Variants in MSH5 observed in about 807,000 individuals in gnomAD.
MSH5 encodes the protein mutS protein homolog 5.
Under a neutral mutation model 107.7 loss-of-function variants are expected in MSH5, and 78 were observed. The ratio of observed to expected loss-of-function variants is 0.72; its 90% CI spans 0.60 to 0.87. The LOEUF (loss-of-function observed/expected upper bound fraction) is 0.87, where lower values mean the gene tolerates loss of function less well. Ranked by LOEUF, MSH5 falls within the 40% of genes least tolerant of loss-of-function variation. MSH5 has a pLI of 0.00. For synonymous variants in MSH5, 326 were observed against 399.5 expected (o/e 0.82, Z 2.19); for missense variants, 889 against 1,046.6 (o/e 0.85, Z 2.08).
rs1436407738 is a variant in MSH5 at position 31,760,216 on chromosome 6, G to A, written c.1812G>A (p.Gln604=). 2 of 1,588,232 alleles carry A rather than the reference G, an allele frequency of 1.3e-6. No individual in the cohort carries two copies. The highest frequency in any genetic ancestry group is 1.7e-6 in the Non-Finnish European group (2 of 1,169,458). The change falls in exon 19 of 25, where the codon CAG becomes CAA. Residue 604 remains glutamine, a splice_region_variant and synonymous_variant. Coordinates refer to ENST00000375750, the MANE Select transcript of MSH5 (RefSeq NM_172166.4). The surrounding 1 kb of genome is among the most constrained non-coding windows in gnomAD (Gnocchi z 5.6). ...CAGGGAAGAGCATATACCTCAAACA[G>A]GTGAGGAGAAGCCCTGCAGCCTGGG... ...NSSGKSIYLK[Q]VGLITFMALV...
intron 8 of MSH5, 146 bp from the exon 9 acceptor site, chr6:31,745,091 G>T: frequency 1.7e-6 from 1 of 597,246 alleles, no homozygotes; most frequent in Non-Finnish European, 2.9e-6. Flanking sequence ...GCGACAGAGC[G>T]AGACTCCATC....
rs1177298196 is a variant in MSH5, at chr6:31,740,224, A to G, written c.-14+162A>G. ...TCAGACCCCTTCCTTCCAAAGGGTAACCTCCGCGTGACAGGAATGAGGGTG... is the reference window on the plus strand; with the variant it reads ...TCAGACCCCTTCCTTCCAAAGGGTAGCCTCCGCGTGACAGGAATGAGGGTG... On this transcript the variant is annotated intron_variant, in intron 1 of 24. Coordinates refer to ENST00000375750, the MANE Select transcript of MSH5 (RefSeq NM_172166.4). The surrounding 1 kb of genome is among the most constrained non-coding windows in gnomAD (Gnocchi z 4.4). 1.3e-5 allele frequency: 6 copies of G among 451,556 alleles called. No individual in the cohort carries two copies. In the East Asian group the frequency reaches 2.2e-4, roughly 17 times the overall value. 28.0% of individuals were successfully genotyped at this position (451,556 alleles called of 1,614,324 possible).
intron 3 of MSH5, among the ~76,000 whole-genome samples, chr6:31,742,164 A>G (rs753310039): frequency 3.3e-5 from 5 of 152,208 alleles, no homozygotes; most frequent in Non-Finnish European, 7.3e-5. Flanking sequence ...CTGACTCAAT[A>G]TATTTTACAG....
chr6:31,760,738 G>C lies in MSH5; in HGVS notation c.1861G>C (p.Glu621Gln). Reference protein sequence around the residue: ...MALVGSFVPAEEAEIGAVDAI... With the variant: ...MALVGSFVPAQEAEIGAVDAI... ...CCTGGTAGGCAGCTTTGTGCCAGCA[G>C]AGGAGGCCGAAATTGGGGCAGTAGA... Residue 621 changes from glutamate to glutamine, a missense_variant, in exon 20 of 25, where the codon GAG becomes CAG. Glu to Gln is a conservative substitution (Grantham distance 29). Around this residue, in one of 3 missense-constraint regions of MSH5, gnomAD observed 362 missense variants for 456.2 expected, o/e 0.79. Coordinates refer to ENST00000375750, the MANE Select transcript of MSH5 (RefSeq NM_172166.4). The surrounding 1 kb of genome is among the most constrained non-coding windows in gnomAD (Gnocchi z 5.6). 1 of 1,613,062 alleles carries C rather than the reference G, an allele frequency of 6.2e-7. No individual in the cohort carries two copies. The highest frequency in any genetic ancestry group is 8.5e-7 in the Non-Finnish European group (1 of 1,180,048).
Position 31,761,683 on chromosome 6 carries a change from C to T in MSH5, c.2181+68C>T. On this transcript the variant is annotated intron_variant, in intron 22 of 24. Coordinates refer to ENST00000375750, the MANE Select transcript of MSH5 (RefSeq NM_172166.4). The surrounding 1 kb of genome is among the most constrained non-coding windows in gnomAD (Gnocchi z 5.3). ...CATTTCCCAGAGGTGGGGATTGGCT[C>T]CTCTATCAGAACAAGGGCTCCCTCA... The T allele has an allele frequency of 6.2e-7, 1 of 1,612,986 alleles. No individual in the cohort carries two copies. Among genetic ancestry groups the T allele is most frequent in the Non-Finnish European group, 8.5e-7 (1 of 1,179,614 alleles).
At position 31,745,292 on chromosome 6, in the gene MSH5, G is replaced by A; in HGVS notation, c.739G>A (p.Gly247Arg). Residue 247 changes from glycine to arginine, a missense_variant, in exon 9 of 25, where the codon GGA (glycine) becomes AGA (arginine). By Grantham distance (125) the Gly-to-Arg change is moderately radical. This residue lies in a region of MSH5 where 518 missense variants were observed against 565.0 expected (regional missense o/e 0.92). Transcript: ENST00000375750. ...CCCCTCAGTGTACAAAGTGGCCAGT[G>A]GACTGAAGGAGGGGCTCAGCCTCTT... ...SHPSVYKVAS[G>R]LKEGLSLFGI... 1.2e-6 allele frequency: 2 copies of A among 1,613,278 alleles called. No individual in the cohort carries two copies. Among genetic ancestry groups the A allele is most frequent in the Non-Finnish European group, 1.7e-6 (2 of 1,179,358 alleles).
chr6:31,760,093 T>C lies in MSH5; in HGVS notation c.1689T>C (p.His563=), dbSNP rs558286767. The C allele has an allele frequency of 6.2e-7, 1 of 1,601,648 alleles. No individual in the cohort carries two copies. The highest frequency in any genetic ancestry group is 1.1e-5 in the South Asian group (1 of 88,922). The change falls in exon 19 of 25, where the codon CAT becomes CAC. Residue 563 remains histidine, a synonymous_variant. Coordinates refer to ENST00000375750, the MANE Select transcript of MSH5 (RefSeq NM_172166.4). This position sits in a 1 kb window ranked among gnomAD's most constrained non-coding sequence, Gnocchi z 5.6. The part of the protein sequence containing the change: ...VLGVRIQNGR[H]PLMELCARTF... Reference sequence around the variant, plus strand: ...GGTGCCTCTCCGCCCACTGCAGACATCCTCTGATGGAACTCTGTGCCCGAA... The same window carrying C: ...GGTGCCTCTCCGCCCACTGCAGACACCCTCTGATGGAACTCTGTGCCCGAA...
chr6:31,743,354 C>T (rs2151335696), intron 5 of MSH5, 184 bp downstream of exon 5: 1 of 647,306 alleles, frequency 1.5e-6, no homozygotes, highest in Non-Finnish European at 2.7e-6. Context: ...TAACCTGCAG[C>T]TTATTGGGAA....
Position 31,744,034 on chromosome 6 carries a change from G to T in MSH5, c.537+9G>T. 1 of 1,614,028 alleles carries T rather than the reference G, an allele frequency of 6.2e-7. No individual in the cohort carries two copies. The highest frequency in any genetic ancestry group is 8.5e-7 in the Non-Finnish European group (1 of 1,179,958). On this transcript the variant is annotated intron_variant, in intron 6 of 24. Transcript: ENST00000375750. ...TTGACTGCCTCCTCACAGTGAGATT[G>T]GTCCTGGGGGATAAGGGCTGGGAGG...
chr6:31,761,107 G>C lies in MSH5; in HGVS notation c.1963-81G>C. 1 of 1,389,176 alleles carries C rather than the reference G, an allele frequency of 7.2e-7. No individual in the cohort carries two copies. Among genetic ancestry groups the C allele is most frequent in the Non-Finnish European group, 1.0e-6 (1 of 995,402 alleles). The allele number at this position is 1,389,176 out of a possible 1,614,324, so 86.1% of individuals were successfully genotyped here. On this transcript the variant is annotated intron_variant, in intron 20 of 24. Coordinates refer to ENST00000375750, the MANE Select transcript of MSH5 (RefSeq NM_172166.4). This position sits in a 1 kb window ranked among gnomAD's most constrained non-coding sequence, Gnocchi z 5.3. Reference sequence around the variant, plus strand: ...GTGCAGTAGGGAGGGCATGTATACAGCTTTATTCACAGGCCAACTGTGGTC... The same window carrying C: ...GTGCAGTAGGGAGGGCATGTATACACCTTTATTCACAGGCCAACTGTGGTC...
At chr6:31,742,783 A>G in intron 3 of MSH5, 94 bp from the exon 4 acceptor site, 2 of 1,190,034 alleles carry the variant, frequency 1.7e-6, no homozygotes, top group Non-Finnish European at 2.5e-6. Flanking sequence ...AATGTTTTTG[A>G]GAAGGAGAGG....
In MSH5 at chr6:31,743,175, C is replaced by T. The variant is rs768347331; in HGVS notation, c.415+5C>T. On this transcript the variant is annotated splice_donor_5th_base_variant and intron_variant, in intron 5 of 24. Coordinates refer to ENST00000375750, the MANE Select transcript of MSH5 (RefSeq NM_172166.4). ...TTTTGCCAAGTGTGGATTTTGGTAT[C>T]TCCTTCCTTTTGCTTTGCCTAACTC... 6.2e-7 allele frequency: 1 copy of T among 1,612,676 alleles called. No homozygotes were observed. Among genetic ancestry groups the T allele is most frequent in the East Asian group, 2.2e-5 (1 of 44,872 alleles).
chr6:31,740,748 C>T lies in MSH5; in HGVS notation c.147+135C>T. The T allele has an allele frequency of 9.6e-7, 1 of 1,039,474 alleles. No individual in the cohort carries two copies. Among genetic ancestry groups the T allele is most frequent in the Non-Finnish European group, 1.3e-6 (1 of 765,456 alleles). 64.4% of individuals were successfully genotyped at this position (1,039,474 alleles called of 1,614,324 possible). A position where few individuals can be genotyped will look rare whatever the true frequency, so the allele number is the denominator to read the frequency against. ...GACTGAGGCGGGCGGATCACCTGAG[C>T]TCAGGAGTTGGAGACCAGCCTGGGC... On this transcript the variant is annotated intron_variant, in intron 2 of 24. Coordinates refer to ENST00000375750, the MANE Select transcript of MSH5 (RefSeq NM_172166.4). The surrounding 1 kb of genome is among the most constrained non-coding windows in gnomAD (Gnocchi z 4.4).
chr6:31,742,845 T>C, intron 3 of MSH5, 32 bp from the exon 4 acceptor site: 2 of 1,603,676 alleles, frequency 1.2e-6, no homozygotes, highest in Non-Finnish European at 1.7e-6. Flanking sequence ...CAAAGATCCT[T>C]TAACTCATTT....
At chr6:31,756,520 A>AT (rs1477597907) in intron 12 of MSH5, 1 of 152,178 alleles carries the variant, frequency 6.6e-6, no homozygotes, top group Non-Finnish European at 1.5e-5. Flanking sequence ...TAAATCTCTG[A>AT]TTCTTTCTTC....
chr6:31,746,419 G>A (rs1389027127), intron 9 of MSH5: 1 of 151,248 alleles, frequency 6.6e-6, no homozygotes, highest in African/African-American at 2.4e-5. Flanking sequence ...ACATATGTGT[G>A]TTGGGCTCTT....
Position 31,740,176 on chromosome 6 carries a change from G to T in MSH5, c.-14+114G>T, listed in dbSNP as rs1256273976. 2 of 346,242 alleles carry T rather than the reference G, an allele frequency of 5.8e-6. No individual in the cohort carries two copies. Among genetic ancestry groups the T allele is most frequent in the African/African-American group, 2.1e-5 (1 of 47,046 alleles). The allele number at this position is 346,242 out of a possible 1,614,324, so 21.4% of individuals were successfully genotyped here. On this transcript the variant is annotated intron_variant, in intron 1 of 24. Transcript: ENST00000375750. The surrounding 1 kb of genome is among the most constrained non-coding windows in gnomAD (Gnocchi z 4.4). ...TGGCAGAGGCAGAGACATAAGACGT[G>T]CACGACTCGCCCCACAGGGCCCTCA... is the stretch of plus-strand genomic sequence containing the variant.
chr6:31,743,293 C>T, intron 5 of MSH5, 123 bp downstream of exon 5: 1 of 1,020,482 alleles, frequency 9.8e-7, no homozygotes, highest in Non-Finnish European at 1.5e-6. Context: ...TTGTGCTCCT[C>T]ATGCCCTATG....
At position 31,741,365 on chromosome 6, in the gene MSH5, ACACAC is replaced by A. The variant is rs1808873090; in HGVS notation, c.271+80_271+84del. 17 of 1,380,280 alleles carry A rather than the reference ACACAC, an allele frequency of 1.2e-5. No homozygotes were observed. The East Asian group carries it at 4.1e-4, about 33-fold the overall frequency. The allele number at this position is 1,380,280 out of a possible 1,614,324, so 85.5% of individuals were successfully genotyped here. A position where few individuals can be genotyped will look rare whatever the true frequency, so the allele number is the denominator to read the frequency against. On this transcript the variant is annotated intron_variant, in intron 3 of 24. Transcript: ENST00000375750. ...CACACACACACACACACACACACACACACACACACACACACACATATTTTTTTTTT... is the reference window on the plus strand; with the variant it reads ...CACACACACACACACACACACACACAACACACACACACATATTTTTTTTTT...
Sources: allele counts gnomAD v4.1 joint callset (sites outside exome capture counted in the v4.1 genomes callset), GRCh38; gene constraint gnomAD v4.1.1; regional missense constraint gnomAD v4.1.1; non-coding constraint Gnocchi (gnomAD v3.1); transcripts MANE v1.5; gene names NCBI Gene and HGNC (gene_info 2026-07-23, HGNC 2026-07-21).